Variants in CNTN5 observed in about 807,000 individuals in gnomAD.
CNTN5 encodes the protein contactin 5, also known as contactin-5.
A neutral mutation model predicts 129.1 loss-of-function variants in CNTN5; 77 were observed. The ratio of observed to expected loss-of-function variants is 0.60; its 90% confidence interval spans 0.50 to 0.72. The LOEUF is 0.72. Ranked by LOEUF, CNTN5 falls within the 30% of genes least tolerant of loss-of-function variation. CNTN5 has a pLI of 0.00. For synonymous variants in CNTN5, 509 were observed against 465.6 expected (o/e 1.09, Z -1.20); for missense variants, 1,478 against 1,328.8 (o/e 1.11, Z -1.75).
intron 6 of CNTN5, among the ~76,000 whole-genome samples, chr11:99,907,000 T>G (rs1461295912): frequency 6.6e-6 from 1 of 152,176 alleles, no homozygotes; most frequent in East Asian, 1.9e-4. Flanking sequence ...TTGTGTCTAT[T>G]TGATTCTTCT....
intron 1 of CNTN5, among the ~76,000 whole-genome samples, chr11:99,081,864 T>C (rs1377048673): frequency 6.6e-6 from 1 of 152,198 alleles, no homozygotes; most frequent in Non-Finnish European, 1.5e-5. Flanking sequence ...TGCTTGAGAC[T>C]AGTAGATGTC....
chr11:100,301,621 T>A (rs956222093), intron 20 of CNTN5, among the ~76,000 whole-genome samples: 8 of 151,658 alleles, frequency 5.3e-5, no homozygotes. Flanking sequence ...AGTTTACAAA[T>A]GTGGAACTTT....
intron 1 of CNTN5, among the ~76,000 whole-genome samples, chr11:99,162,529 A>G (rs1329740177): frequency 1.3e-5 from 2 of 152,188 alleles, no homozygotes; most frequent in African/African-American, 2.4e-5. Context: ...TATACCTCTT[A>G]TTGACTAAAA....
chr11:99,716,070 G>A (rs1021660240), intron 3 of CNTN5, among the ~76,000 whole-genome samples: 1 of 151,862 alleles, frequency 6.6e-6, no homozygotes, highest in Admixed American at 6.6e-5. Flanking sequence ...TTTTCGAGAT[G>A]TGTTTGCTTT....
chr11:100,293,360 A>G (rs566207180), intron 18 of CNTN5, among the ~76,000 whole-genome samples: 1 of 151,868 alleles, frequency 6.6e-6, no homozygotes, highest in East Asian at 1.9e-4. Flanking sequence ...TTTTGCCTAG[A>G]TTTCCAGATT....
chr11:99,053,230 C>G (rs1482001075), intron 1 of CNTN5, among the ~76,000 whole-genome samples: 1 of 151,872 alleles, frequency 6.6e-6, no homozygotes, highest in East Asian at 1.9e-4. Context: ...TCCTATATGT[C>G]AAAAGTTTTT....
intron 3 of CNTN5, among the ~76,000 whole-genome samples, chr11:99,556,640 A>C (rs1280963783): frequency 6.9e-6 from 1 of 145,070 alleles, no homozygotes; most frequent in African/African-American, 2.5e-5. Context: ...TTATGCATAT[A>C]ATGTATATGT....
chr11:99,230,574 T>C (rs559125098), intron 1 of CNTN5, among the ~76,000 whole-genome samples: 9 of 152,170 alleles, frequency 5.9e-5, no homozygotes, highest in Non-Finnish European at 1.3e-4. Context: ...TCATATCAAT[T>C]TAAAGCAGAT....
At chr11:99,586,640 C>G (rs1193792226) in intron 3 of CNTN5, among the ~76,000 whole-genome samples, 1 of 152,164 alleles carries the variant, frequency 6.6e-6, no homozygotes, top group Non-Finnish European at 1.5e-5. Flanking sequence ...TACGACTATA[C>G]TGTAAACTTC....
intron 4 of CNTN5, among the ~76,000 whole-genome samples, chr11:99,840,294 G>C (rs764268999): frequency 6.6e-6 from 1 of 152,054 alleles, no homozygotes; most frequent in Admixed American, 6.6e-5. Flanking sequence ...AAGGAATACA[G>C]CATACAAGAG....
At chr11:99,462,360 C>CTTTTTTTTTTTTTTTTTTTTTTTT (rs72276833) in intron 2 of CNTN5, among the ~76,000 whole-genome samples, 1 of 125,284 alleles carries the variant, frequency 8.0e-6, no homozygotes, top group African/African-American at 2.9e-5. Context: ...CTTTTCTTTT[C>CTTTTTTTTTTTTTTTTTTTTTTTT]TTTTTTTTTT....
chr11:99,218,440 C>T (rs544928672), intron 1 of CNTN5, among the ~76,000 whole-genome samples: 5 of 152,116 alleles, frequency 3.3e-5, no homozygotes, highest in Admixed American at 2.0e-4. Context: ...CACCTTCAGC[C>T]GAGGTTTTTC....
intron 18 of CNTN5, among the ~76,000 whole-genome samples, chr11:100,273,011 C>G (rs1950434741): frequency 6.6e-6 from 1 of 152,108 alleles, no homozygotes; most frequent in Admixed American, 6.5e-5. Flanking sequence ...GAGACTTTAG[C>G]CCTAGGGGAA....
At chr11:99,940,588 A>G (rs1223952872) in intron 7 of CNTN5, among the ~76,000 whole-genome samples, 1 of 152,144 alleles carries the variant, frequency 6.6e-6, no homozygotes, top group Non-Finnish European at 1.5e-5. Flanking sequence ...CACCTTCTAC[A>G]TATGCATTTT....
rs143007410 is a variant in CNTN5, at chr11:99,945,416, G to T, written c.674-11390G>T. Among the ~76,000 whole-genome samples, 10 of 151,816 alleles carry T rather than the reference G, an allele frequency of 6.6e-5. No homozygotes were observed. In the East Asian group the frequency reaches 1.9e-3, roughly 29 times the overall value. On this transcript the variant is annotated intron_variant, in intron 7 of 24. Coordinates refer to ENST00000524871, the MANE Select transcript of CNTN5 (RefSeq NM_014361.4). ...TTTTAGGTAAGAGGCTATGTTTTAT[G>T]AAGTTTTTTTAGAATGACTGCTAGG...
intron 2 of CNTN5, among the ~76,000 whole-genome samples, chr11:99,373,837 T>G (rs1338110479): frequency 6.6e-6 from 1 of 151,874 alleles, no homozygotes; most frequent in Non-Finnish European, 1.5e-5. Context: ...GTTAACATAA[T>G]AAAATATAAA....
chr11:99,714,325 G>C (rs1955128557), intron 3 of CNTN5, among the ~76,000 whole-genome samples: 2 of 151,804 alleles, frequency 1.3e-5, no homozygotes, highest in South Asian at 4.1e-4. Flanking sequence ...AATGAGTATA[G>C]CAAGCTACAT....
intron 1 of CNTN5, among the ~76,000 whole-genome samples, chr11:99,235,022 A>G (rs1342454596): frequency 1.4e-5 from 2 of 146,054 alleles, no homozygotes; most frequent in East Asian, 2.0e-4. Context: ...TTTTTATAAC[A>G]CAAAGGAGGA....
Position 100,071,663 on chromosome 11 carries a change from T to C in CNTN5, c.1300-42T>C, listed in dbSNP as rs201604295. 1.2e-4 allele frequency: 180 copies of C among 1,456,896 alleles called. 4 individuals are homozygous for C. The East Asian group carries it at 4.0e-3, about 32-fold the overall frequency. The allele number at this position is 1,456,896 out of a possible 1,614,324, so 90.2% of individuals were successfully genotyped here. ...GAGAATACCCATAAAATCCATGTTATTTGTTTACTTTCTAGATCTAATTTT... is the reference window on the plus strand; with the variant it reads ...GAGAATACCCATAAAATCCATGTTACTTGTTTACTTTCTAGATCTAATTTT... On this transcript the variant is annotated intron_variant, in intron 11 of 24. Coordinates refer to ENST00000524871, the MANE Select transcript of CNTN5 (RefSeq NM_014361.4).
Sources: allele counts gnomAD v4.1 joint callset (sites outside exome capture counted in the v4.1 genomes callset), GRCh38; gene constraint gnomAD v4.1.1; transcripts MANE v1.5; gene names NCBI Gene and HGNC (gene_info 2026-07-23, HGNC 2026-07-21).